Variants in TENM3 observed in about 807,000 individuals in gnomAD.
TENM3 encodes the protein teneurin transmembrane protein 3, also known as teneurin-3.
A neutral mutation model predicts 255.1 loss-of-function variants in TENM3; 63 were observed. The observed-to-expected ratio is 0.25, with a 90% confidence interval of 0.20 to 0.30. The LOEUF (loss-of-function observed/expected upper bound fraction) is 0.30, where lower values mean the gene tolerates loss of function less well. TENM3 is among the 10% of genes least tolerant of loss of function. The pLI, the probability that TENM3 is intolerant of heterozygous loss-of-function variation, is 1.00. For missense variants in TENM3, 2,929 were observed against 3,461.1 expected, an observed-to-expected ratio of 0.85 and a Z score of 3.86; for synonymous variants, 1,306 against 1,322.3, an observed-to-expected ratio of 0.99 and a Z score of 0.27.
the TENM3 span, among the ~76,000 whole-genome samples, chr4:181,564,027 TC>T: frequency 5.2e-5 from 7 of 134,582 alleles, no homozygotes; most frequent in Admixed American, 7.8e-5. Context: ...TCTTTTCTTT[TC>T]TTTTCTTTTT....
intron 1 of TENM3, among the ~76,000 whole-genome samples, chr4:182,247,212 C>T (rs1296437848): frequency 6.6e-6 from 1 of 152,070 alleles, no homozygotes; most frequent in Non-Finnish European, 1.5e-5. Context: ...GGTGCTGCAG[C>T]AAGAAATTGA....
At chr4:182,780,357 G>GAT (rs1374047139) in intron 24 of TENM3, among the ~76,000 whole-genome samples, 15 of 123,218 alleles carry the variant, frequency 1.2e-4, no homozygotes, top group African/African-American at 5.0e-4. Context: ...TCAAAGATCA[G>GAT]ATAGTTGTAG....
chr4:182,706,791 G>A (rs1462169057), intron 12 of TENM3, among the ~76,000 whole-genome samples: 4 of 151,864 alleles, frequency 2.6e-5, no homozygotes, highest in African/African-American at 7.3e-5. Context: ...GTGAAACTCC[G>A]TCTCTACAAA....
At chr4:182,677,592 A>G (rs528302068) in intron 7 of TENM3, among the ~76,000 whole-genome samples, 16 of 152,314 alleles carry the variant, frequency 1.1e-4, no homozygotes, top group African/African-American at 3.1e-4. Context: ...ACAATTCTAG[A>G]ATAGAATTCC....
chr4:181,718,421 T>C, the TENM3 span, among the ~76,000 whole-genome samples: 1 of 152,154 alleles, frequency 6.6e-6, no homozygotes, highest in Non-Finnish European at 1.5e-5. Flanking sequence ...TCAGTTTGAG[T>C]CCCATCTCAC....
the TENM3 span, among the ~76,000 whole-genome samples, chr4:181,998,837 A>G: frequency 1.3e-5 from 2 of 152,220 alleles, no homozygotes; most frequent in African/African-American, 4.8e-5. Context: ...TACTTGGAAT[A>G]TAGGCATTTT....
intron 6 of TENM3, among the ~76,000 whole-genome samples, chr4:182,655,062 A>G (rs1753639197): frequency 2.0e-5 from 3 of 152,230 alleles, no homozygotes; most frequent in Admixed American, 6.5e-5. Context: ...CAGTCACTGT[A>G]GAGGGGGTTA....
At chr4:181,848,569 G>C in the TENM3 span, among the ~76,000 whole-genome samples, 1 of 152,072 alleles carries the variant, frequency 6.6e-6, no homozygotes, top group African/African-American at 2.4e-5. Flanking sequence ...GGAAAGCTGA[G>C]TGCTTTTACC....
At chr4:182,096,937 T>A in the TENM3 span, among the ~76,000 whole-genome samples, 1 of 152,250 alleles carries the variant, frequency 6.6e-6, no homozygotes, top group Admixed American at 6.5e-5. Flanking sequence ...CATCCACTTT[T>A]GTAATGGGTA....
At position 182,792,472 on chromosome 4, in the gene TENM3, C is replaced by T. The variant is rs1766187116; in HGVS notation, c.5800C>T (p.Leu1934Phe). 1 of 1,614,034 alleles carries T rather than the reference C, an allele frequency of 6.2e-7. No individual in the cohort carries two copies. The highest frequency in any genetic ancestry group is 1.3e-5 in the African/African-American group (1 of 75,066). Reference sequence around the variant, plus strand: ...CACGGACTACAACGAGGAAGGGCTGCTTCTACAAACAGCTTTCTTGGGTAC... The same window carrying T: ...CACGGACTACAACGAGGAAGGGCTGTTTCTACAAACAGCTTTCTTGGGTAC... ...IITDYNEEGL[L>F]LQTAFLGTSR... The change falls in exon 26 of 28, where the codon CTT (leucine) becomes TTT (phenylalanine). Residue 1934 changes from leucine (L) to phenylalanine (F), a missense_variant. Around this residue, in one of 6 missense-constraint regions of TENM3, gnomAD observed 303 missense variants for 425.2 expected, o/e 0.71. Transcript: ENST00000511685. This position sits in a 1 kb window ranked among gnomAD's most constrained non-coding sequence, Gnocchi z 6.3.
At chr4:182,403,068 T>C (rs1180214177) in intron 3 of TENM3, among the ~76,000 whole-genome samples, 3 of 152,258 alleles carry the variant, frequency 2.0e-5, no homozygotes, top group African/African-American at 4.8e-5. Context: ...ATAGCAATTT[T>C]GTTCCAAAGA....
chr4:182,179,699 T>A (rs1440276435), intron 1 of TENM3, among the ~76,000 whole-genome samples: 1 of 152,242 alleles, frequency 6.6e-6, no homozygotes, highest in Non-Finnish European at 1.5e-5. Context: ...ATCCTTTGAT[T>A]CAACTTTCAA....
chr4:182,602,281 C>A (rs1444315452), intron 4 of TENM3, among the ~76,000 whole-genome samples: 4 of 152,186 alleles, frequency 2.6e-5, no homozygotes, highest in Admixed American at 6.5e-5. Context: ...GAGTTATCAC[C>A]ATAGAAAAGC....
the TENM3 span, among the ~76,000 whole-genome samples, chr4:181,557,694 T>C: frequency 3.6e-5 from 1 of 27,578 alleles, no homozygotes; most frequent in East Asian, 5.0e-4. Flanking sequence ...CCCCAGCTAT[T>C]TTTTTTTTGT....
the TENM3 span, among the ~76,000 whole-genome samples, chr4:181,970,573 C>G: frequency 6.6e-6 from 1 of 152,214 alleles, no homozygotes; most frequent in Non-Finnish European, 1.5e-5. Flanking sequence ...ATCAGTGATT[C>G]ATAACCACCT....
chr4:182,275,104 C>A (rs969485530), intron 1 of TENM3, among the ~76,000 whole-genome samples: 2 of 152,146 alleles, frequency 1.3e-5, no homozygotes, highest in African/African-American at 4.8e-5. Flanking sequence ...GGATTATAGG[C>A]TTGAGCCACC....
At chr4:181,595,430 C>CAAAA in the TENM3 span, among the ~76,000 whole-genome samples, 26 of 41,750 alleles carry the variant, frequency 6.2e-4, no homozygotes, top group South Asian at 1.9e-3. Context: ...GACTCCATCC[C>CAAAA]AAAAAAAAAA....
At position 182,679,834 on chromosome 4, in the gene TENM3, G is replaced by A. The variant is rs756344945; in HGVS notation, c.1495G>A (p.Gly499Arg). The change falls in exon 8 of 28, where the codon GGG becomes AGG. Residue 499 changes from glycine to arginine, a missense_variant. Around this residue, in one of 6 missense-constraint regions of TENM3, gnomAD observed 1,608 missense variants for 1,884.4 expected, o/e 0.85. Coordinates refer to ENST00000511685, the MANE Select transcript of TENM3 (RefSeq NM_001080477.4). ...GIWHLAFYNDGKNAEQVSFNT... is the reference protein window; with the variant it reads ...GIWHLAFYNDRKNAEQVSFNT... ...CTGGCATCTGGCTTTTTATAATGAT[G>A]GGAAAAATGCAGAGCAGGTGTCTTT... is the stretch of plus-strand genomic sequence containing the variant. 6.2e-7 allele frequency: 1 copy of A among 1,613,430 alleles called. No homozygotes were observed. The highest frequency in any genetic ancestry group is 1.1e-5 in the South Asian group (1 of 90,954).
chr4:182,794,917 T>A (rs1766384523), intron 26 of TENM3, among the ~76,000 whole-genome samples: 1 of 152,144 alleles, frequency 6.6e-6, no homozygotes, highest in Non-Finnish European at 1.5e-5. Flanking sequence ...ACCACATTTA[T>A]ATTTCCAGGA....
Sources: gnomAD v4.1 joint callset for allele counts (sites outside exome capture counted in the v4.1 genomes callset) on GRCh38, gnomAD v4.1.1 for gene constraint, gnomAD v4.1.1 regional missense constraint, Gnocchi (gnomAD v3.1) non-coding constraint, MANE v1.5 for transcripts, NCBI Gene and HGNC (gene_info 2026-07-23, HGNC 2026-07-21) for gene names.